ALOXE3: variants seen among roughly 807,000 people sequenced by gnomAD.
ALOXE3 encodes the protein hydroperoxide isomerase ALOXE3.
Under a neutral mutation model 87.5 loss-of-function variants are expected in ALOXE3, and 78 were observed. The ratio of observed to expected loss-of-function variants is 0.89; its 90% confidence interval spans 0.74 to 1.08. The LOEUF is 1.08. Ranked by LOEUF, ALOXE3 falls within the 50% of genes least tolerant of loss-of-function variation. ALOXE3 has a pLI of 0.00. For synonymous variants in ALOXE3, 363 were observed against 370.8 expected (o/e 0.98, Z 0.24); for missense variants, 946 against 912.4 (o/e 1.04, Z -0.47).
At chr17:8,115,119 T>G (rs950733767) in intron 4 of ALOXE3, 62 bp from the exon 5 acceptor site, 1 of 1,601,366 alleles carries the variant, frequency 6.2e-7, no homozygotes, top group Non-Finnish European at 8.5e-7. Context: ...AGTCTTAGCT[T>G]TAAAGACACG....
rs1979557164 is a variant in ALOXE3 at position 8,107,933 on chromosome 17, GAAA to G, written c.1684+532_1684+534del. Among the ~76,000 whole-genome samples, 4 of 5,104 alleles carry G rather than the reference GAAA, an allele frequency of 7.8e-4. 1 individual carries two copies. Among genetic ancestry groups the G allele is most frequent in the African/African-American group, 3.2e-3 (3 of 926 alleles). The allele number at this position is 5,104 out of a possible 152,430, so 3.3% of individuals were successfully genotyped here. On this transcript the variant is annotated intron_variant, in intron 13 of 15. Coordinates refer to ENST00000448843, the MANE Select transcript of ALOXE3 (RefSeq NM_021628.3). ...AGAAAGAAAGAAAGAAAGAAAGAAAGAAAGAAAGAAAGAAAGAAAGAAAGAAAG... is the reference window on the plus strand; with the variant it reads ...AGAAAGAAAGAAAGAAAGAAAGAAAGGAAAGAAAGAAAGAAAGAAAGAAAG...
intron 13 of ALOXE3, 28 bp downstream of exon 13, chr17:8,108,440 C>T: frequency 1.2e-6 from 2 of 1,610,280 alleles, no homozygotes; most frequent in Non-Finnish European, 1.7e-6. Context: ...ATCAGAGCTA[C>T]ACGGAAAGTG....
intron 12 of ALOXE3, 33 bp downstream of exon 12, chr17:8,109,141 G>T: frequency 1.2e-6 from 2 of 1,609,976 alleles, no homozygotes. Context: ...GGAGACCCTG[G>T]TGGGACTGCT....
At chr17:8,113,804 A>G (rs1980314856) in intron 6 of ALOXE3, among the ~76,000 whole-genome samples, 1 of 152,146 alleles carries the variant, frequency 6.6e-6, no homozygotes, top group South Asian at 2.1e-4. Flanking sequence ...AGGCAGATGG[A>G]TCACCTGAGG....
chr17:8,118,141 T>G lies in ALOXE3; in HGVS notation c.-151A>C, dbSNP rs538641031. On this transcript the variant is annotated 5_prime_UTR_variant, in exon 2 of 16. Transcript: ENST00000448843. ...AGGGCTGAGGATGGGCCCAGCTCTC[T>G]CTGGGATGTTCCTGGGCTTTCTCTC... 3.2e-6 allele frequency: 5 copies of G among 1,551,422 alleles called. No homozygotes were observed. In the South Asian group the frequency reaches 5.9e-5, roughly 18 times the overall value.
intron 12 of ALOXE3, 42 bp downstream of exon 12, chr17:8,109,132 G>T: frequency 6.2e-7 from 1 of 1,608,746 alleles, no homozygotes; most frequent in East Asian, 2.2e-5. Flanking sequence ...CCCAGGCCAG[G>T]AGACCCTGGT....
Position 8,114,573 on chromosome 17 carries a change from T to A in ALOXE3, c.591A>T (p.Lys197Asn). 6.2e-7 allele frequency: 1 copy of A among 1,613,832 alleles called. No homozygotes were observed. The highest frequency in any genetic ancestry group is 1.1e-5 in the South Asian group (1 of 91,062). The change falls in exon 6 of 16, where the codon AAA becomes AAT. Residue 197 changes from lysine to asparagine, a missense_variant. Lys to Asn is a moderately conservative substitution (Grantham distance 94). Coordinates refer to ENST00000448843, the MANE Select transcript of ALOXE3 (RefSeq NM_021628.3). ...GNRYLPGFPMKIDIPSLMYME... is the reference protein window; with the variant it reads ...GNRYLPGFPMNIDIPSLMYME... ...TGTACATCAGGGATGGGATGTCAATTTTCATGGGGAAGCCGGGCAGGTACC... is the reference window on the plus strand; with the variant it reads ...TGTACATCAGGGATGGGATGTCAATATTCATGGGGAAGCCGGGCAGGTACC...
chr17:8,111,026 G>C lies in ALOXE3; in HGVS notation c.957+333C>G, dbSNP rs1479533878. ...CATCTGGTGGCCCTACCATTGGCCT[G>C]TCCTAAAACAGCTTTCCTCTAGGCC... On this transcript the variant is annotated intron_variant, in intron 8 of 15. Transcript: ENST00000448843. Among the ~76,000 whole-genome samples, 4 of 152,196 alleles carry C rather than the reference G, an allele frequency of 2.6e-5. 1 individual carries two copies. Among genetic ancestry groups the C allele is most frequent in the Admixed American group, 2.6e-4 (4 of 15,280 alleles).
In ALOXE3 at chr17:8,107,344, G is replaced by A. The variant is rs149772710; in HGVS notation, c.1684+1124C>T. ...CCAGCCTGTCCAACATGGCAAAACT[G>A]CATCTCTACTAAAAATACAAAAATT... is the stretch of plus-strand genomic sequence containing the variant. On this transcript the variant is annotated intron_variant, in intron 13 of 15. Transcript: ENST00000448843. 8.4e-3 allele frequency among the ~76,000 whole-genome samples: 1,275 copies of A among 152,240 alleles called. 6 individuals carry two copies. The highest frequency in any genetic ancestry group is 0.02 in the Middle Eastern group (6 of 294).
At chr17:8,100,323 C>A (rs773670238) in intron 15 of ALOXE3, among the ~76,000 whole-genome samples, 1 of 152,006 alleles carries the variant, frequency 6.6e-6, no homozygotes, top group African/African-American at 2.4e-5. Flanking sequence ...GATAAGACAG[C>A]ATATGGAGAG....
chr17:8,098,234 G>GTTTTTTTTTTTTTTTT (rs71159546), intron 15 of ALOXE3, among the ~76,000 whole-genome samples: 2 of 87,484 alleles, frequency 2.3e-5, no homozygotes, highest in Admixed American at 1.6e-4. Context: ...TTTGGTTTTT[G>GTTTTTTTTTTTTTTTT]TTTTTTTTTT....
chr17:8,111,573 T>G, intron 7 of ALOXE3, 42 bp from the exon 8 acceptor site: 1 of 1,604,884 alleles, frequency 6.2e-7, no homozygotes, highest in African/African-American at 1.3e-5. Context: ...AGAAACTACT[T>G]CCCTAGATCC....
In ALOXE3 at chr17:8,115,037, C is replaced by T; in HGVS notation, c.455G>A (p.Gly152Asp). 2 of 1,614,156 alleles carry T rather than the reference C, an allele frequency of 1.2e-6. No individual in the cohort carries two copies. The highest frequency in any genetic ancestry group is 1.7e-6 in the Non-Finnish European group (2 of 1,180,004). The change falls in exon 5 of 16, where the codon GGC (glycine) becomes GAC (aspartate). Residue 152 changes from glycine (G) to aspartate (D), a missense_variant. Coordinates refer to ENST00000448843, the MANE Select transcript of ALOXE3 (RefSeq NM_021628.3). ...ECYRWKIYAPGFPCMVDVNSF... is the reference protein window; with the variant it reads ...ECYRWKIYAPDFPCMVDVNSF... ...GTTGACGTCTACCATGCAGGGGAAG[C>T]CAGGGGCATAGATCTTCCAGCTTCC...
At chr17:8,117,250 C>T (rs1282107589) in intron 2 of ALOXE3, among the ~76,000 whole-genome samples, 3 of 152,198 alleles carry the variant, frequency 2.0e-5, no homozygotes, top group African/African-American at 7.2e-5. Flanking sequence ...GAAACCGCTT[C>T]TCTACTAAAA....
At chr17:8,113,752 C>T (rs1380423420) in intron 6 of ALOXE3, among the ~76,000 whole-genome samples, 3 of 149,602 alleles carry the variant, frequency 2.0e-5, no homozygotes, top group East Asian at 2.0e-4. Context: ...GTGGGCTGGG[C>T]GTGGTGGCTC....
At position 8,116,815 on chromosome 17, in the gene ALOXE3, T is replaced by A; in HGVS notation, c.313A>T (p.Ile105Phe). The A allele has an allele frequency of 6.2e-7, 1 of 1,614,198 alleles. No homozygotes were observed. The highest frequency in any genetic ancestry group is 8.5e-7 in the Non-Finnish European group (1 of 1,180,020). The change falls in exon 3 of 16, where the codon ATT (isoleucine) becomes TTT (phenylalanine). Residue 105 changes from isoleucine to phenylalanine, a missense_variant. By Grantham distance (21) the Ile-to-Phe change is conservative. Transcript: ENST00000448843. Reference protein sequence around the residue: ...SVSHFPCYQWIEGYCTVELRP... With the variant: ...SVSHFPCYQWFEGYCTVELRP... The stretch of plus-strand genomic sequence containing the variant: ...AGCTCCACGGTGCAGTAGCCTTCAA[T>A]CCACTGATAGCAGGGGAAGTGGGAT...
At chr17:8,110,364 G>C (rs566819511) in intron 9 of ALOXE3, 21 bp downstream of exon 9, 1 of 1,604,772 alleles carries the variant, frequency 6.2e-7, no homozygotes, top group African/African-American at 1.3e-5. Flanking sequence ...CCCCATCCCG[G>C]GGCGGCGGCG....
chr17:8,111,656 A>G, intron 7 of ALOXE3, 125 bp from the exon 8 acceptor site: 1 of 940,458 alleles, frequency 1.1e-6, no homozygotes, highest in Non-Finnish European at 1.7e-6. Flanking sequence ...GGTAGGAATC[A>G]TTATATCTTC....
chr17:8,112,019 C>G, intron 7 of ALOXE3, 74 bp downstream of exon 7: 1 of 1,405,190 alleles, frequency 7.1e-7, no homozygotes, highest in Admixed American at 1.7e-5. Context: ...AGGGCCCTTT[C>G]CCAGGAAGGA....
Sources: gnomAD v4.1 joint callset for allele counts (sites outside exome capture counted in the v4.1 genomes callset) on GRCh38, gnomAD v4.1.1 for gene constraint, MANE v1.5 for transcripts, NCBI Gene and HGNC (gene_info 2026-07-23, HGNC 2026-07-21) for gene names.